The following COX10 variants were observed in gnomAD, a reference collection of about 807,000 sequenced individuals.
COX10 encodes the protein cytochrome c oxidase assembly factor heme A:farnesyltransferase COX10, also known as protoheme IX farnesyltransferase, mitochondrial.
In COX10, 27 loss-of-function variants were observed where a neutral mutation model predicts 37.3. The observed-to-expected ratio is 0.72, with a 90% confidence interval of 0.53 to 1.00. COX10 has a LOEUF of 1.00. COX10 is among the 50% of genes least tolerant of loss of function. COX10 has a pLI of 0.00. For missense variants in COX10, 475 were observed against 563.2 expected (o/e 0.84, Z 1.59); for synonymous variants, 222 against 229.1 (o/e 0.97, Z 0.28).
intron 4 of COX10, among the ~76,000 whole-genome samples, chr17:14,112,788 G>A (rs1212823379): frequency 1.3e-5 from 2 of 152,146 alleles, no homozygotes; most frequent in Non-Finnish European, 2.9e-5. Flanking sequence ...TAAAGACCCA[G>A]AGATGTGAAA....
At chr17:14,202,846 A>C (rs1597550119) in intron 6 of COX10, among the ~76,000 whole-genome samples, 2 of 147,508 alleles carry the variant, frequency 1.4e-5, no homozygotes, top group African/African-American at 2.5e-5. Context: ...TCCCTTCCTC[A>C]CTCCAGCCTC....
chr17:14,075,460 A>G (rs11656981), intron 2 of COX10, among the ~76,000 whole-genome samples: 57,083 of 152,008 alleles, frequency 0.38, 10,871 homozygotes, highest in East Asian at 0.49. Flanking sequence ...GGCTGTTGAT[A>G]TATCAGTTTA....
chr17:14,195,885 G>C (rs184063969), intron 6 of COX10, among the ~76,000 whole-genome samples: 1 of 152,280 alleles, frequency 6.6e-6, no homozygotes, highest in African/African-American at 2.4e-5. Context: ...CAGAGCTCTA[G>C]CCATTAGAAT....
chr17:14,188,748 T>C (rs1448129686), intron 5 of COX10, among the ~76,000 whole-genome samples: 4 of 152,172 alleles, frequency 2.6e-5, no homozygotes, highest in African/African-American at 9.7e-5. Flanking sequence ...GCTCACAAGG[T>C]TGCCCGTGTT....
intron 5 of COX10, among the ~76,000 whole-genome samples, chr17:14,174,327 C>T (rs1249103108): frequency 6.6e-6 from 1 of 151,672 alleles, no homozygotes; most frequent in Non-Finnish European, 1.5e-5. Flanking sequence ...GGTATGGTGG[C>T]ATGTGCCTGT....
At chr17:14,198,608 G>A (rs986885794) in intron 6 of COX10, among the ~76,000 whole-genome samples, 1 of 152,190 alleles carries the variant, frequency 6.6e-6, no homozygotes, top group Admixed American at 6.5e-5. Flanking sequence ...TTATCAGGAA[G>A]TGACATTTGG....
rs965157043 is a variant in COX10, at chr17:14,106,653, G to A, written c.624+4411G>A. ...TGTTAAAGTGCTCATCATTAATGCC[G>A]TGAATTGGAAAATCTTGGCTCGGTT... On this transcript the variant is annotated intron_variant, in intron 4 of 6. Coordinates refer to ENST00000261643, the MANE Select transcript of COX10 (RefSeq NM_001303.4). Among the ~76,000 whole-genome samples the A allele has an allele frequency of 7.2e-5, 11 of 152,094 alleles. 1 individual carries two copies. The highest frequency in any genetic ancestry group is 4.6e-4 in the Admixed American group (7 of 15,264).
At chr17:14,141,041 GA>G (rs1166703963) in intron 4 of COX10, among the ~76,000 whole-genome samples, 15 of 151,704 alleles carry the variant, frequency 9.9e-5, no homozygotes, top group African/African-American at 2.7e-4. Flanking sequence ...TATCGTCTAG[GA>G]TTTTTTTTTT....
At chr17:14,087,647 G>A (rs1915439096) in intron 3 of COX10, among the ~76,000 whole-genome samples, 1 of 151,956 alleles carries the variant, frequency 6.6e-6, no homozygotes, top group Non-Finnish European at 1.5e-5. Flanking sequence ...ATGGAGGGAA[G>A]GAGGGCACAA....
chr17:14,076,713 T>C, intron 2 of COX10, 22 bp from the exon 3 acceptor site: 1 of 1,613,364 alleles, frequency 6.2e-7, no homozygotes, highest in East Asian at 2.2e-5. Flanking sequence ...GGTTTTATAG[T>C]AATGTGTGCT....
intron 4 of COX10, among the ~76,000 whole-genome samples, chr17:14,157,681 G>T (rs1905071116): frequency 6.6e-6 from 1 of 152,116 alleles, no homozygotes; most frequent in South Asian, 2.1e-4. Flanking sequence ...CTAATCTGGG[G>T]TCTTCTCATG....
At chr17:14,097,714 CTAT>C (rs1433121800) in intron 3 of COX10, among the ~76,000 whole-genome samples, 5 of 152,048 alleles carry the variant, frequency 3.3e-5, no homozygotes, top group Non-Finnish European at 4.4e-5. Context: ...TAGAACATTT[CTAT>C]TATTGACAGT....
Position 14,102,202 on chromosome 17 carries a change from G to C in COX10, c.584G>C (p.Gly195Ala). 6.2e-7 allele frequency: 1 copy of C among 1,613,646 alleles called. No homozygotes were observed. The highest frequency in any genetic ancestry group is 8.5e-7 in the Non-Finnish European group (1 of 1,179,730). ...DWPCFLLTSV[G>A]TGLASCAANS... ...CCCTGTTTCCTGCTTACTTCTGTTG[G>C]GACAGGCCTTGCATCCTGTGCTGCC... Residue 195 changes from glycine to alanine, a missense_variant, in exon 4 of 7, where the codon GGG becomes GCG. Gly to Ala is a moderately conservative substitution (Grantham distance 60). Coordinates refer to ENST00000261643, the MANE Select transcript of COX10 (RefSeq NM_001303.4).
chr17:14,173,536 A>G (rs771030206), intron 5 of COX10, among the ~76,000 whole-genome samples: 3 of 152,228 alleles, frequency 2.0e-5, no homozygotes, highest in Non-Finnish European at 4.4e-5. Flanking sequence ...ATACATGTGT[A>G]AGGATAAAAA....
intron 2 of COX10, 76 bp from the exon 3 acceptor site, chr17:14,076,659 T>G: frequency 7.4e-7 from 1 of 1,351,260 alleles, no homozygotes; most frequent in Non-Finnish European, 1.1e-6. Context: ...GCTGGTCTGA[T>G]TGAAGATGTT....
rs538060111 is a variant in COX10, at chr17:14,203,914, C to G, written c.929-2896C>G. ...ATGGTGCTTTCCAGGGCAGATGACA[C>G]AGAGGGTTGGTGAACTCTCAGTTCT... is the stretch of plus-strand genomic sequence containing the variant. On this transcript the variant is annotated intron_variant, in intron 6 of 6. Coordinates refer to ENST00000261643, the MANE Select transcript of COX10 (RefSeq NM_001303.4). 9.6e-4 allele frequency among the ~76,000 whole-genome samples: 146 copies of G among 152,204 alleles called. 1 individual carries two copies. Among genetic ancestry groups the G allele is most frequent in the Middle Eastern group, 3.4e-3 (1 of 294 alleles).
At chr17:14,135,673 TG>T (rs1446446905) in intron 4 of COX10, among the ~76,000 whole-genome samples, 3 of 151,990 alleles carry the variant, frequency 2.0e-5, no homozygotes, top group African/African-American at 7.2e-5. Flanking sequence ...AACATCGTTT[TG>T]TTTTCCAAAA....
chr17:14,070,024 G>T (rs1031283191), intron 1 of COX10, among the ~76,000 whole-genome samples: 3 of 152,232 alleles, frequency 2.0e-5, no homozygotes, highest in Non-Finnish European at 4.4e-5. Context: ...GACAAGGAAG[G>T]TGCTTTGCTT....
intron 4 of COX10, among the ~76,000 whole-genome samples, chr17:14,148,517 A>G (rs1203582658): frequency 2.0e-5 from 3 of 152,152 alleles, no homozygotes; most frequent in African/African-American, 7.2e-5. Flanking sequence ...TTGGAATGAC[A>G]AACACTTGTT....
Sources: allele counts gnomAD v4.1 joint callset (sites outside exome capture counted in the v4.1 genomes callset), GRCh38; gene constraint gnomAD v4.1.1; transcripts MANE v1.5; gene names NCBI Gene and HGNC (gene_info 2026-07-23, HGNC 2026-07-21).